The following FANCI variants were observed in gnomAD, a reference collection of about 807,000 sequenced individuals.
FANCI encodes the protein Fanconi anemia group I protein.
In FANCI, 156 loss-of-function variants were observed where a neutral mutation model predicts 176.1. The observed-to-expected ratio is 0.89, with a 90% CI of 0.78 to 1.01. The LOEUF (loss-of-function observed/expected upper bound fraction) is 1.01, where lower values mean the gene tolerates loss of function less well. Among genes scored for constraint, FANCI ranks in the 50% least tolerant of loss-of-function variants. The pLI, the probability that FANCI is intolerant of heterozygous loss-of-function variation, is 0.00. For missense variants in FANCI, 1,678 were observed against 1,534.1 expected, an observed-to-expected ratio of 1.09 and a Z score of -1.57; for synonymous variants, 613 against 541.7, an observed-to-expected ratio of 1.13 and a Z score of -1.83.
intron 18 of FANCI, among the ~76,000 whole-genome samples, chr15:89,286,679 T>C (rs1011258094): frequency 6.6e-6 from 1 of 152,216 alleles, no homozygotes; most frequent in Non-Finnish European, 1.5e-5. Flanking sequence ...AGAGTAGATG[T>C]AGCATAATTC....
rs1352752568 is a variant in FANCI at position 89,312,905 on chromosome 15, A to G, written c.3653A>G (p.Asn1218Ser). The change falls in exon 35 of 38, where the codon AAT (asparagine) becomes AGT (serine). Residue 1218 changes from asparagine to serine, a missense_variant and splice_region_variant. By Grantham distance (46) the Asn-to-Ser change is conservative. Coordinates refer to ENST00000310775, the MANE Select transcript of FANCI (RefSeq NM_001113378.2). Reference sequence around the variant, plus strand: ...GAGAATGTGTTTCTATTTCTTTAGAATAAGAGTAAGAGCCTGAACTATACG... The same window carrying G: ...GAGAATGTGTTTCTATTTCTTTAGAGTAAGAGTAAGAGCCTGAACTATACG... ...LCYSFISYVQ[N>S]KSKSLNYTGE... 7 of 1,612,860 alleles carry G rather than the reference A, an allele frequency of 4.3e-6. No homozygotes were observed. The highest frequency in any genetic ancestry group is 3.3e-5 in the South Asian group (3 of 91,034).
intron 24 of FANCI, 134 bp downstream of exon 24, chr15:89,295,228 C>T (rs1246334019): frequency 3.9e-6 from 4 of 1,032,924 alleles, no homozygotes; most frequent in Non-Finnish European, 5.5e-6. Flanking sequence ...AAACATTAGC[C>T]AGGTGGCAGG....
chr15:89,304,200 C>T (rs981181913), intron 28 of FANCI, among the ~76,000 whole-genome samples: 1 of 152,140 alleles, frequency 6.6e-6, no homozygotes, highest in Non-Finnish European at 1.5e-5. Flanking sequence ...CGAATCACAA[C>T]AGAAAAATGT....
intron 19 of FANCI, among the ~76,000 whole-genome samples, chr15:89,290,857 A>G (rs1258203786): frequency 1.3e-5 from 2 of 152,198 alleles, no homozygotes; most frequent in Non-Finnish European, 2.9e-5. Context: ...TTCATTTAAA[A>G]TTAAGGTCTC....
At chr15:89,294,597 A>G (rs1461144250) in intron 23 of FANCI, among the ~76,000 whole-genome samples, 1 of 150,026 alleles carries the variant, frequency 6.7e-6, no homozygotes, top group South Asian at 2.1e-4. Flanking sequence ...ATAAATAAAA[A>G]GGTAGGGGGG....
chr15:89,314,506 G>T, intron 35 of FANCI, 106 bp from the exon 36 acceptor site: 1 of 847,592 alleles, frequency 1.2e-6, no homozygotes, highest in South Asian at 1.4e-5. Flanking sequence ...TTGGGAGACA[G>T]ACTAGTTTTC....
At chr15:89,271,070 T>C (rs1221806105) in intron 10 of FANCI, among the ~76,000 whole-genome samples, 1 of 152,238 alleles carries the variant, frequency 6.6e-6, no homozygotes, top group Non-Finnish European at 1.5e-5. Flanking sequence ...CTTTTTGTTT[T>C]CCATTTGATT....
chr15:89,257,514 C>G (rs760246204), intron 2 of FANCI, among the ~76,000 whole-genome samples: 7 of 152,156 alleles, frequency 4.6e-5, no homozygotes, highest in Non-Finnish European at 1.0e-4. Flanking sequence ...TTTAGCATTC[C>G]TTGGCTTGTA....
intron 1 of FANCI, chr15:89,245,172 C>CTTTTTTTTTTTTTTT (rs1354260784): frequency 8.2e-6 from 1 of 122,544 alleles, no homozygotes; most frequent in African/African-American, 3.2e-5. Context: ...CTTTTCTTTT[C>CTTTTTTTTTTTTTTT]TTTTCTTTTT....
intron 2 of FANCI, among the ~76,000 whole-genome samples, chr15:89,251,391 T>TA (rs2052243055): frequency 6.6e-6 from 1 of 152,174 alleles, no homozygotes; most frequent in Non-Finnish European, 1.5e-5. Context: ...AGAGATCAGG[T>TA]AGATAGTCCT....
At chr15:89,277,843 A>T (rs145687875) in intron 13 of FANCI, among the ~76,000 whole-genome samples, 1 of 152,146 alleles carries the variant, frequency 6.6e-6, no homozygotes, top group South Asian at 2.1e-4. Context: ...TTGATGTTCA[A>T]TTGTTTAATG....
chr15:89,289,364 C>G (rs762139472), intron 18 of FANCI, among the ~76,000 whole-genome samples: 7 of 151,990 alleles, frequency 4.6e-5, no homozygotes, highest in Non-Finnish European at 8.8e-5. Flanking sequence ...GTGGTGCGGT[C>G]TCGGGTCTCA....
intron 2 of FANCI, among the ~76,000 whole-genome samples, chr15:89,254,517 A>G (rs2052410224): frequency 6.6e-6 from 1 of 152,208 alleles, no homozygotes; most frequent in African/African-American, 2.4e-5. Flanking sequence ...TGAAAAATAC[A>G]GAGATTTATA....
At chr15:89,304,524 TC>T (rs1227482582) in intron 28 of FANCI, among the ~76,000 whole-genome samples, 2 of 151,954 alleles carry the variant, frequency 1.3e-5, no homozygotes, top group Non-Finnish European at 2.9e-5. Context: ...TAGGAGGGAG[TC>T]CCTAGAATAC....
chr15:89,312,729 AG>A (rs1346558536), intron 34 of FANCI, among the ~76,000 whole-genome samples, 174 bp from the exon 35 acceptor site: 1 of 152,112 alleles, frequency 6.6e-6, no homozygotes, highest in Non-Finnish European at 1.5e-5. Flanking sequence ...CTGAGGCACA[AG>A]AATCACTTAA....
At chr15:89,278,609 A>G (rs2053494367) in intron 13 of FANCI, 78 bp from the exon 14 acceptor site, 5 of 1,039,552 alleles carry the variant, frequency 4.8e-6, no homozygotes, top group African/African-American at 1.6e-5. Context: ...ACGGTTCTTC[A>G]TGCTGCCTGA....
chr15:89,275,720 G>T (rs1476176284), intron 12 of FANCI, among the ~76,000 whole-genome samples: 1 of 152,170 alleles, frequency 6.6e-6, no homozygotes, highest in Non-Finnish European at 1.5e-5. Flanking sequence ...AAAGAAGGAG[G>T]TACTCACTAA....
intron 31 of FANCI, 119 bp downstream of exon 31, chr15:89,305,817 T>C: frequency 8.4e-7 from 1 of 1,185,314 alleles, no homozygotes; most frequent in Non-Finnish European, 1.2e-6. Context: ...TTAAGCTAGA[T>C]TTTTTCCTAT....
Position 89,316,915 on chromosome 15 carries a change from T to C in FANCI, c.*456T>C. 1.1e-6 allele frequency: 1 copy of C among 937,518 alleles called. No individual in the cohort carries two copies. The allele number at this position is 937,518 out of a possible 1,614,324, so 58.1% of individuals were successfully genotyped here. ...TGAGCAAAGGAGCTTAATGCTAAGG[T>C]CAAAAGGAGAGTGAAAGGTTGAGAA... On this transcript the variant is annotated 3_prime_UTR_variant, in exon 38 of 38. Transcript: ENST00000310775.
Sources: gnomAD v4.1 joint callset for allele counts (sites outside exome capture counted in the v4.1 genomes callset) on GRCh38, gnomAD v4.1.1 for gene constraint, MANE v1.5 for transcripts, NCBI Gene and HGNC (gene_info 2026-07-23, HGNC 2026-07-21) for gene names.